Variants in CPLANE1 observed in about 807,000 individuals in gnomAD.
CPLANE1 encodes the protein ciliogenesis and planar polarity effector complex subunit 1.
In CPLANE1, 263 loss-of-function variants were observed where a neutral mutation model predicts 362.5. That is an observed-to-expected ratio of 0.73 (90% CI 0.66 to 0.80). The LOEUF is 0.80. Ranked by LOEUF, CPLANE1 falls within the 30% of genes least tolerant of loss-of-function variation. The pLI, the probability that CPLANE1 is intolerant of heterozygous loss-of-function variation, is 0.00. For missense variants in CPLANE1, 3,461 were observed against 3,793.4 expected, an observed-to-expected ratio of 0.91 and a Z score of 2.30; for synonymous variants, 1,212 against 1,302.6, an observed-to-expected ratio of 0.93 and a Z score of 1.50.
chr5:37,202,733 TG>T (rs1304093781), intron 18 of CPLANE1, among the ~76,000 whole-genome samples: 1 of 152,154 alleles, frequency 6.6e-6, no homozygotes, highest in African/African-American at 2.4e-5. Flanking sequence ...ACTTATGTAC[TG>T]ACTTCTCATC....
chr5:37,246,236 A>G (rs79840010), intron 2 of CPLANE1: 5,119 of 148,834 alleles, frequency 0.034, 128 homozygotes, highest in South Asian at 0.081. Flanking sequence ...GCACTATCCC[A>G]CTACTAATAA....
intron 44 of CPLANE1, 149 bp downstream of exon 44, chr5:37,142,161 T>C: frequency 2.4e-6 from 3 of 1,262,092 alleles, no homozygotes; most frequent in Non-Finnish European, 3.0e-6. Context: ...TTCATGTGAC[T>C]AGCAAAAGTT....
chr5:37,092,166 T>C, the CPLANE1 span, among the ~76,000 whole-genome samples: 16 of 152,156 alleles, frequency 1.1e-4, no homozygotes, highest in African/African-American at 3.9e-4. Flanking sequence ...TCCCAGCCTA[T>C]AATAACATAA....
In CPLANE1 at chr5:37,142,147, G is replaced by C. The variant is rs1769936932; in HGVS notation, c.8632+163C>G. 2.4e-6 allele frequency: 3 copies of C among 1,234,804 alleles called. No individual in the cohort carries two copies. The South Asian group carries it at 1.0e-4, about 42-fold the overall frequency. The allele number at this position is 1,234,804 out of a possible 1,614,324, so 76.5% of individuals were successfully genotyped here. A position where few individuals can be genotyped will look rare whatever the true frequency, so the allele number is the denominator to read the frequency against. On this transcript the variant is annotated intron_variant, in intron 44 of 52. Transcript: ENST00000651892. ...CTTATGAAGGTGACAAGATGTCACA[G>C]TTCTTCATGTGACTAGCAAAAGTTT...
chr5:37,107,095 G>A lies in CPLANE1; in HGVS notation c.*507C>T, dbSNP rs1323530099. 1 of 985,440 alleles carries A rather than the reference G, an allele frequency of 1.0e-6. No homozygotes were observed. Among genetic ancestry groups the A allele is most frequent in the Non-Finnish European group, 1.2e-6 (1 of 829,944 alleles). 61.0% of individuals were successfully genotyped at this position (985,440 alleles called of 1,614,324 possible). A position where few individuals can be genotyped will look rare whatever the true frequency, so the allele number is the denominator to read the frequency against. On this transcript the variant is annotated 3_prime_UTR_variant, in exon 53 of 53. Transcript: ENST00000651892. ...TTGCTTATTTAGAGATTCAGGGTTG[G>A]TAAAAGGTAGTTGGTTTTTCTTTTC...
chr5:37,245,324 T>C (rs1288791590), intron 4 of CPLANE1, among the ~76,000 whole-genome samples, 155 bp downstream of exon 4: 6 of 126,916 alleles, frequency 4.7e-5, no homozygotes, highest in African/African-American at 1.5e-4. Context: ...TATATATATA[T>C]ATATATATAT....
chr5:37,209,278 C>G lies in CPLANE1; in HGVS notation c.2921-2853G>C. The G allele has an allele frequency of 1.4e-6, 1 of 723,314 alleles. No homozygotes were observed. Among genetic ancestry groups the G allele is most frequent in the Non-Finnish European group, 2.5e-6 (1 of 392,830 alleles). The allele number at this position is 723,314 out of a possible 1,614,324, so 44.8% of individuals were successfully genotyped here. ...GCTCTGGAGGGCAGGGATTCCCCCT[C>G]GTCTTGGCCCTACAGCCCCAGCTGG... On this transcript the variant is annotated intron_variant, in intron 16 of 52. Coordinates refer to ENST00000651892, the MANE Select transcript of CPLANE1 (RefSeq NM_001384732.1). This position sits in a 1 kb window ranked among gnomAD's most constrained non-coding sequence, Gnocchi z 4.6.
intron 8 of CPLANE1, among the ~76,000 whole-genome samples, chr5:37,235,198 A>G (rs1798680421): frequency 6.6e-6 from 1 of 152,184 alleles, no homozygotes; most frequent in African/African-American, 2.4e-5. Flanking sequence ...TATGTAGCCA[A>G]GGAGTGAATC....
intron 17 of CPLANE1, 93 bp downstream of exon 17, chr5:37,206,104 G>A: frequency 1.2e-6 from 1 of 867,030 alleles, no homozygotes. Context: ...CTGAACTAAG[G>A]ATTCCACATA....
At chr5:37,164,155 T>G in intron 37 of CPLANE1, 118 bp downstream of exon 37, 1 of 765,994 alleles carries the variant, frequency 1.3e-6, no homozygotes. Flanking sequence ...TAGGAACCCT[T>G]GAATTTGTAG....
intron 46 of CPLANE1, among the ~76,000 whole-genome samples, chr5:37,138,184 A>G (rs1052640063): frequency 2.5e-4 from 38 of 152,162 alleles, no homozygotes; most frequent in African/African-American, 9.2e-4. Context: ...ATAGTTTCAT[A>G]GGTCTATAAC....
At chr5:37,212,209 G>C (rs892708558) in intron 16 of CPLANE1, 8 of 1,423,954 alleles carry the variant, frequency 5.6e-6, no homozygotes, top group Non-Finnish European at 7.9e-6. Flanking sequence ...TCTGCTCACA[G>C]TGAAAATCCT....
intron 23 of CPLANE1, among the ~76,000 whole-genome samples, chr5:37,186,693 C>T (rs1784081333): frequency 6.6e-6 from 1 of 152,066 alleles, no homozygotes; most frequent in Non-Finnish European, 1.5e-5. Context: ...TTAGCACATC[C>T]ATCAATACAC....
At position 37,107,558 on chromosome 5, in the gene CPLANE1, C is replaced by T; in HGVS notation, c.*44G>A. 6.6e-7 allele frequency: 1 copy of T among 1,506,222 alleles called. No homozygotes were observed. Among genetic ancestry groups the T allele is most frequent in the Non-Finnish European group, 8.9e-7 (1 of 1,120,730 alleles). 93.3% of individuals were successfully genotyped at this position (1,506,222 alleles called of 1,614,324 possible). On this transcript the variant is annotated 3_prime_UTR_variant, in exon 53 of 53. Transcript: ENST00000651892. Reference sequence around the variant, plus strand: ...CTGTTAATCTTTCAGAACCACATTACTGAGGTGCTGGCCTGTGCATGGAAA... The same window carrying T: ...CTGTTAATCTTTCAGAACCACATTATTGAGGTGCTGGCCTGTGCATGGAAA...
chr5:37,140,348 T>C (rs1238257051), intron 44 of CPLANE1: 2 of 980,244 alleles, frequency 2.0e-6, no homozygotes, highest in Admixed American at 6.1e-5. Context: ...TGAAAACATA[T>C]TGTTCTATTT....
intron 46 of CPLANE1, among the ~76,000 whole-genome samples, chr5:37,138,218 C>T (rs1451550537): frequency 6.6e-6 from 1 of 152,116 alleles, no homozygotes; most frequent in South Asian, 2.1e-4. Context: ...AGTCTAGGTG[C>T]TCCAATGTTG....
rs1791852228 is a variant in CPLANE1 at position 37,209,162 on chromosome 5, C to T, written c.2921-2737G>A. ...TCCTCAGAACCGCGAAGAAAGGAAG[C>T]TAGCGTGTTTGTTAGAAAACCTAGT... is the stretch of plus-strand genomic sequence containing the variant. On this transcript the variant is annotated intron_variant, in intron 16 of 52. Coordinates refer to ENST00000651892, the MANE Select transcript of CPLANE1 (RefSeq NM_001384732.1). This position sits in a 1 kb window ranked among gnomAD's most constrained non-coding sequence, Gnocchi z 4.6. Among the ~76,000 whole-genome samples, 1 of 152,216 alleles carries T rather than the reference C, an allele frequency of 6.6e-6. No homozygotes were observed. The highest frequency in any genetic ancestry group is 6.5e-5 in the Admixed American group (1 of 15,280).
At position 37,226,280 on chromosome 5, in the gene CPLANE1, C is replaced by A. The variant is rs1445315790; in HGVS notation, c.2291+24G>T. Reference sequence around the variant, plus strand: ...AAAAAAAACTAAGCTAATAGTATCCCAGTATTAAAATAAGTGATTATACCT... The same window carrying A: ...AAAAAAAACTAAGCTAATAGTATCCAAGTATTAAAATAAGTGATTATACCT... On this transcript the variant is annotated intron_variant, in intron 12 of 52. Coordinates refer to ENST00000651892, the MANE Select transcript of CPLANE1 (RefSeq NM_001384732.1). The A allele has an allele frequency of 3.5e-6, 5 of 1,412,714 alleles. No individual in the cohort carries two copies. In the South Asian group the frequency reaches 6.7e-5, roughly 19 times the overall value. The allele number at this position is 1,412,714 out of a possible 1,614,324, so 87.5% of individuals were successfully genotyped here.
chr5:37,190,239 T>A (rs1253661556), intron 21 of CPLANE1, among the ~76,000 whole-genome samples: 1 of 151,698 alleles, frequency 6.6e-6, no homozygotes, highest in Admixed American at 6.6e-5. Context: ...ATAAAGGGCA[T>A]GAAACAGAAT....
Sources: allele counts gnomAD v4.1 joint callset (sites outside exome capture counted in the v4.1 genomes callset), GRCh38; gene constraint gnomAD v4.1.1; non-coding constraint Gnocchi (gnomAD v3.1); transcripts MANE v1.5; gene names NCBI Gene and HGNC (gene_info 2026-07-23, HGNC 2026-07-21).